DLG2: variants seen among roughly 807,000 people sequenced by gnomAD.
The protein encoded by DLG2 is discs large MAGUK scaffold protein 2.
DLG2 carries 45 observed loss-of-function variants against 132.5 expected under a neutral mutation model. That is an observed-to-expected ratio of 0.34 (90% CI 0.27 to 0.44). The LOEUF (loss-of-function observed/expected upper bound fraction) is 0.44. DLG2 is among the 20% of genes least tolerant of loss of function. The pLI, the probability that DLG2 is intolerant of heterozygous loss-of-function variation, is 1.00. For synonymous variants in DLG2, 424 were observed against 419.6 expected (o/e 1.01, Z -0.13); for missense variants, 1,045 against 1,196.9 (o/e 0.87, Z 1.87).
chr11:84,097,255 T>G (rs2097178152), intron 10 of DLG2, among the ~76,000 whole-genome samples: 1 of 152,200 alleles, frequency 6.6e-6, no homozygotes, highest in Non-Finnish European at 1.5e-5. Context: ...TTATTTGGCC[T>G]CGTTAGCCCA....
chr11:85,351,777 T>TA (rs2083308529), intron 3 of DLG2, among the ~76,000 whole-genome samples: 1 of 152,222 alleles, frequency 6.6e-6, no homozygotes, highest in South Asian at 2.1e-4. Context: ...TCGTGGTGGA[T>TA]AAGCTTTTTG....
intron 7 of DLG2, among the ~76,000 whole-genome samples, chr11:84,322,828 G>A (rs963800896): frequency 1.3e-5 from 2 of 152,094 alleles, no homozygotes; most frequent in Admixed American, 1.3e-4. Context: ...GATCTCAAGT[G>A]ATCTACCTGT....
chr11:85,080,649 C>T (rs372517145), intron 6 of DLG2, among the ~76,000 whole-genome samples: 2 of 152,212 alleles, frequency 1.3e-5, no homozygotes, highest in Non-Finnish European at 2.9e-5. Flanking sequence ...GAAGTCAGTG[C>T]TCCTTTCTAG....
chr11:85,330,792 TAAAAAAAAA>T (rs56995757), intron 3 of DLG2, among the ~76,000 whole-genome samples: 4 of 116,494 alleles, frequency 3.4e-5, no homozygotes, highest in Non-Finnish European at 7.1e-5. Flanking sequence ...AAAAAAAAAT[TAAAAAAAAA>T]AAAAAAAAAA....
At chr11:84,951,426 A>C (rs2050896273) in intron 6 of DLG2, among the ~76,000 whole-genome samples, 1 of 152,086 alleles carries the variant, frequency 6.6e-6, no homozygotes, top group African/African-American at 2.4e-5. Context: ...TAAATGGCAA[A>C]CACTTGGTAT....
chr11:85,104,902 A>G (rs2152292533), intron 6 of DLG2, among the ~76,000 whole-genome samples: 3 of 108,852 alleles, frequency 2.8e-5, no homozygotes, highest in African/African-American at 1.1e-4. Flanking sequence ...AAAAAAAAAC[A>G]GAGAGAGAAA....
At chr11:84,368,328 T>G (rs1187047082) in intron 7 of DLG2, among the ~76,000 whole-genome samples, 1 of 152,138 alleles carries the variant, frequency 6.6e-6, no homozygotes, top group Non-Finnish European at 1.5e-5. Flanking sequence ...ATTCTTATAA[T>G]TCTCTCATCT....
At chr11:83,854,931 T>G (rs1384450819) in intron 16 of DLG2, among the ~76,000 whole-genome samples, 1 of 151,924 alleles carries the variant, frequency 6.6e-6, no homozygotes, top group African/African-American at 2.4e-5. Context: ...GAACTATTAT[T>G]AAAAATATAC....
At chr11:84,337,877 A>T (rs1239868778) in intron 7 of DLG2, among the ~76,000 whole-genome samples, 1 of 152,220 alleles carries the variant, frequency 6.6e-6, no homozygotes, top group Non-Finnish European at 1.5e-5. Flanking sequence ...TTTACAAAAT[A>T]TCATTATAGC....
At chr11:84,316,889 G>C in intron 7 of DLG2, 1 of 1,612,874 alleles carries the variant, frequency 6.2e-7, no homozygotes, top group African/African-American at 1.3e-5. Flanking sequence ...TTTGCCCTTG[G>C]TGCTCGTCTT....
intron 6 of DLG2, among the ~76,000 whole-genome samples, chr11:84,874,926 C>T (rs1242521227): frequency 6.7e-6 from 1 of 148,932 alleles, no homozygotes; most frequent in African/African-American, 2.5e-5. Context: ...GAGGCTGAGG[C>T]AGGAGAATTG....
chr11:84,875,893 A>G (rs1371337380), intron 6 of DLG2, among the ~76,000 whole-genome samples: 1 of 152,094 alleles, frequency 6.6e-6, no homozygotes, highest in Non-Finnish European at 1.5e-5. Flanking sequence ...GTCCGCCACC[A>G]TACCTGGCTA....
chr11:83,915,114 G>A (rs1471340329), intron 15 of DLG2, among the ~76,000 whole-genome samples: 1 of 152,118 alleles, frequency 6.6e-6, no homozygotes, highest in East Asian at 1.9e-4. Flanking sequence ...GGAAGGAGCA[G>A]GCAACAGAGG....
intron 6 of DLG2, among the ~76,000 whole-genome samples, chr11:84,988,329 G>C (rs752629170): frequency 6.6e-6 from 1 of 152,288 alleles, no homozygotes; most frequent in Admixed American, 6.5e-5. Context: ...ACTAAATGCA[G>C]AACTACCATT....
chr11:85,020,374 G>T (rs532090089), intron 6 of DLG2, among the ~76,000 whole-genome samples: 10 of 152,158 alleles, frequency 6.6e-5, no homozygotes, highest in Non-Finnish European at 1.5e-4. Context: ...CCCTTTGTCA[G>T]ATGGGTAGAC....
At chr11:84,083,162 C>T (rs1211452081) in intron 10 of DLG2, among the ~76,000 whole-genome samples, 1 of 152,128 alleles carries the variant, frequency 6.6e-6, no homozygotes, top group Non-Finnish European at 1.5e-5. Flanking sequence ...CACCTGTAAT[C>T]CCAGCTACTC....
chr11:84,962,404 G>C (rs1354930418), intron 6 of DLG2, among the ~76,000 whole-genome samples: 1 of 152,060 alleles, frequency 6.6e-6, no homozygotes, highest in East Asian at 1.9e-4. Context: ...TATTAGGTGG[G>C]TAACCATATA....
chr11:84,324,759 A>G lies in DLG2; in HGVS notation c.520-73468T>C, dbSNP rs528868937. ...ATTCTTCTGTTAAGTGTGTTCCTCAATATTTTATTCTTTTTGATAGTATTG... is the reference window on the plus strand; with the variant it reads ...ATTCTTCTGTTAAGTGTGTTCCTCAGTATTTTATTCTTTTTGATAGTATTG... On this transcript the variant is annotated intron_variant, in intron 7 of 27. Transcript: ENST00000376104. 3.9e-5 allele frequency among the ~76,000 whole-genome samples: 6 copies of G among 152,164 alleles called. No homozygotes were observed. The East Asian group carries it at 1.2e-3, about 29-fold the overall frequency.
rs375483667 is a variant in DLG2 at position 84,144,428 on chromosome 11, C to T, written c.624+19033G>A. Among the ~76,000 whole-genome samples the T allele has an allele frequency of 2.0e-5, 3 of 152,180 alleles. No individual in the cohort carries two copies. In the East Asian group the frequency reaches 5.8e-4, roughly 29 times the overall value. On this transcript the variant is annotated intron_variant, in intron 9 of 27. Transcript: ENST00000376104. ...AAGGGTGGGCTTCTGCCTCAAAGTT[C>T]TAAGTAAGAATCATGGAATTTGCTC...
Sources: allele counts gnomAD v4.1 joint callset (sites outside exome capture counted in the v4.1 genomes callset), GRCh38; gene constraint gnomAD v4.1.1; transcripts MANE v1.5; gene names NCBI Gene and HGNC (gene_info 2026-07-23, HGNC 2026-07-21).